Variants in ZNF385D observed in about 807,000 individuals in gnomAD.
The protein encoded by ZNF385D is zinc finger protein 385D, also known as zinc finger protein 659.
In ZNF385D, 15 loss-of-function variants were observed where a neutral mutation model predicts 35.8. The ratio of observed to expected loss-of-function variants is 0.42; its 90% CI spans 0.28 to 0.64. The LOEUF is 0.64. Ranked by LOEUF, ZNF385D falls within the 30% of genes least tolerant of loss-of-function variation. The pLI is 0.23. For synonymous variants in ZNF385D, 212 were observed against 186.8 expected (o/e 1.13, Z -1.10); for missense variants, 474 against 494.6 (o/e 0.96, Z 0.39).
At chr3:21,890,538 G>T (rs112836662) in intron 3 of ZNF385D, among the ~76,000 whole-genome samples, 2 of 152,132 alleles carry the variant, frequency 1.3e-5, no homozygotes, top group African/African-American at 4.8e-5. Context: ...AGAATTGCTG[G>T]AACCTGGGAG....
intron 3 of ZNF385D, among the ~76,000 whole-genome samples, chr3:21,785,056 G>A (rs1430935346): frequency 6.6e-6 from 1 of 152,080 alleles, no homozygotes; most frequent in Non-Finnish European, 1.5e-5. Flanking sequence ...CACAATCCAT[G>A]CATGCACTTC....
intron 3 of ZNF385D, among the ~76,000 whole-genome samples, chr3:21,994,105 C>A (rs1278250324): frequency 3.9e-5 from 6 of 152,150 alleles, no homozygotes; most frequent in African/African-American, 1.4e-4. Context: ...CTTCTAAATT[C>A]TCTTACTGGG....
chr3:21,931,030 T>C (rs1283447357), intron 3 of ZNF385D, among the ~76,000 whole-genome samples: 2 of 152,040 alleles, frequency 1.3e-5, no homozygotes, highest in Non-Finnish European at 2.9e-5. Flanking sequence ...TGCCAAGTCA[T>C]ATAAGGGAAA....
At chr3:21,724,076 A>C (rs1036072857) in intron 1 of ZNF385D, among the ~76,000 whole-genome samples, 7 of 152,140 alleles carry the variant, frequency 4.6e-5, no homozygotes, top group African/African-American at 1.7e-4. Context: ...GGAGAAATAA[A>C]ATCCTTTACA....
chr3:22,316,236 T>C (rs913514206), intron 2 of ZNF385D, among the ~76,000 whole-genome samples: 4 of 152,130 alleles, frequency 2.6e-5, no homozygotes, highest in Non-Finnish European at 5.9e-5. Context: ...AAATTTTCCA[T>C]AAAAAACCCC....
chr3:22,168,427 A>T (rs924541567), intron 3 of ZNF385D: 1 of 152,172 alleles, frequency 6.6e-6, no homozygotes, highest in African/African-American at 2.4e-5. Flanking sequence ...TTTCAAACCA[A>T]TTGCAGTGTT....
intron 3 of ZNF385D, among the ~76,000 whole-genome samples, chr3:21,833,265 T>C (rs1695116609): frequency 6.6e-6 from 1 of 152,118 alleles, no homozygotes; most frequent in African/African-American, 2.4e-5. Flanking sequence ...TACATCAGAG[T>C]CTCTGAAATC....
intron 2 of ZNF385D, among the ~76,000 whole-genome samples, chr3:22,289,515 C>T (rs889342239): frequency 1.3e-5 from 2 of 152,152 alleles, no homozygotes; most frequent in Non-Finnish European, 2.9e-5. Context: ...TAGATAGGAG[C>T]TCAATCCTCA....
chr3:22,161,014 C>G (rs560609248), intron 3 of ZNF385D, among the ~76,000 whole-genome samples: 1 of 152,054 alleles, frequency 6.6e-6, no homozygotes, highest in East Asian at 1.9e-4. Flanking sequence ...TTAATCTAAT[C>G]TTCAAATTTC....
At chr3:21,933,972 G>T (rs531390427) in intron 3 of ZNF385D, among the ~76,000 whole-genome samples, 6 of 151,052 alleles carry the variant, frequency 4.0e-5, no homozygotes, top group African/African-American at 1.5e-4. Flanking sequence ...CTCTCAATTA[G>T]TCACTATTAT....
At chr3:21,722,377 T>C (rs2068580100) in intron 1 of ZNF385D, among the ~76,000 whole-genome samples, 1 of 152,210 alleles carries the variant, frequency 6.6e-6, no homozygotes, top group Admixed American at 6.5e-5. Context: ...CTCTCCCCTT[T>C]GCTCTTGAAA....
rs145791342 is a variant in ZNF385D, at chr3:21,696,806, G to C, written c.23-31778C>G. Among the ~76,000 whole-genome samples, 722 of 152,286 alleles carry C rather than the reference G, an allele frequency of 4.7e-3. 12 individuals are homozygous for C. The highest frequency in any genetic ancestry group is 4.3e-3 in the South Asian group (21 of 4,830). On this transcript the variant is annotated intron_variant, in intron 1 of 7. Coordinates refer to ENST00000281523, the MANE Select transcript of ZNF385D (RefSeq NM_024697.3). The stretch of plus-strand genomic sequence containing the variant: ...GAGTCAACCTCCCCATAAATCAGTA[G>C]AGCATACAATTACTGGGACCTGAAG...
intron 3 of ZNF385D, among the ~76,000 whole-genome samples, chr3:21,563,600 A>C (rs1390056317): frequency 6.6e-6 from 1 of 152,210 alleles, no homozygotes; most frequent in Non-Finnish European, 1.5e-5. Context: ...AGAGCATCTA[A>C]GAGTCCTACT....
chr3:22,267,466 T>A (rs1230945249), intron 2 of ZNF385D, among the ~76,000 whole-genome samples: 1 of 151,874 alleles, frequency 6.6e-6, no homozygotes, highest in Non-Finnish European at 1.5e-5. Flanking sequence ...GCAATTATAT[T>A]TTTATTATTT....
At chr3:22,076,792 C>T (rs781034165) in intron 3 of ZNF385D, among the ~76,000 whole-genome samples, 2 of 151,828 alleles carry the variant, frequency 1.3e-5, no homozygotes, top group African/African-American at 2.4e-5. Context: ...GTGACTTATT[C>T]TTGGACAAAA....
At chr3:22,202,766 T>G (rs759424235) in intron 2 of ZNF385D, among the ~76,000 whole-genome samples, 1 of 152,080 alleles carries the variant, frequency 6.6e-6, no homozygotes, top group African/African-American at 2.4e-5. Context: ...GCACATTGAA[T>G]GTGGGACTTT....
intron 2 of ZNF385D, among the ~76,000 whole-genome samples, chr3:22,352,732 C>A (rs139505612): frequency 6.6e-6 from 1 of 152,204 alleles, no homozygotes; most frequent in African/African-American, 2.4e-5. Flanking sequence ...TAAACATATT[C>A]AGTAGATAAA....
intron 3 of ZNF385D, among the ~76,000 whole-genome samples, chr3:22,154,862 C>T (rs1301723402): frequency 6.6e-6 from 1 of 151,982 alleles, no homozygotes; most frequent in Non-Finnish European, 1.5e-5. Flanking sequence ...ACCACCTCTC[C>T]ACAGAAAACA....
At chr3:21,959,086 G>A (rs886460122) in intron 3 of ZNF385D, among the ~76,000 whole-genome samples, 1 of 152,060 alleles carries the variant, frequency 6.6e-6, no homozygotes, top group Non-Finnish European at 1.5e-5. Context: ...AAGTTATTTT[G>A]CAACTAATAA....
Sources: allele counts gnomAD v4.1 joint callset (sites outside exome capture counted in the v4.1 genomes callset), GRCh38; gene constraint gnomAD v4.1.1; transcripts MANE v1.5; gene names NCBI Gene and HGNC (gene_info 2026-07-23, HGNC 2026-07-21).